The following DNAAF11 variants were observed in gnomAD, a reference collection of about 807,000 sequenced individuals.
DNAAF11 encodes the protein leucine rich repeat containing 6.
In DNAAF11, 45 loss-of-function variants were observed where a neutral mutation model predicts 60.8. That is an observed-to-expected ratio of 0.74 (90% CI 0.58 to 0.95). The LOEUF (loss-of-function observed/expected upper bound fraction) is 0.95, where lower values mean the gene tolerates loss of function less well. Among genes scored for constraint, DNAAF11 ranks in the 40% least tolerant of loss-of-function variants. The probability of loss-of-function intolerance (pLI) is 0.00; values close to 1 mark genes in which losing one functional copy is unlikely to be tolerated. For missense variants in DNAAF11, 546 were observed against 546.2 expected, an observed-to-expected ratio of 1.00 and a Z score of 0.00; for synonymous variants, 191 against 183.5, an observed-to-expected ratio of 1.04 and a Z score of -0.33.
the DNAAF11 span, among the ~76,000 whole-genome samples, chr8:132,695,925 T>C: frequency 2.0e-5 from 3 of 152,062 alleles, no homozygotes; most frequent in Admixed American, 6.6e-5. Context: ...GAATATATGA[T>C]TGAGGATAAG....
intron 1 of DNAAF11, 66 bp downstream of exon 1, chr8:132,675,418 C>T: frequency 5.3e-6 from 8 of 1,513,614 alleles, no homozygotes; most frequent in Non-Finnish European, 7.2e-6. Context: ...CGGCGAGGAT[C>T]CCACGAGACC....
At chr8:132,589,961 A>G (rs1193947126) in intron 10 of DNAAF11, among the ~76,000 whole-genome samples, 1 of 152,218 alleles carries the variant, frequency 6.6e-6, no homozygotes, top group African/African-American at 2.4e-5. Flanking sequence ...GAACATTAAT[A>G]AATGATTTTT....
At chr8:132,667,052 A>T (rs948888646) in intron 1 of DNAAF11, among the ~76,000 whole-genome samples, 1 of 152,170 alleles carries the variant, frequency 6.6e-6, no homozygotes, top group African/African-American at 2.4e-5. Flanking sequence ...CACTGAAGGA[A>T]TTGGGAGATA....
chr8:132,630,514 C>CA (rs1287071056), intron 5 of DNAAF11, among the ~76,000 whole-genome samples: 2 of 152,016 alleles, frequency 1.3e-5, no homozygotes, highest in Non-Finnish European at 2.9e-5. Flanking sequence ...ATAAACAAGA[C>CA]AAAAATGTAC....
intron 4 of DNAAF11, among the ~76,000 whole-genome samples, chr8:132,633,874 G>C (rs1330155659): frequency 6.6e-6 from 1 of 152,128 alleles, no homozygotes; most frequent in Non-Finnish European, 1.5e-5. Flanking sequence ...CAAAGTAAGG[G>C]ATTCTCTCCT....
intron 7 of DNAAF11, among the ~76,000 whole-genome samples, chr8:132,619,048 C>A (rs1295017489): frequency 6.6e-6 from 1 of 152,032 alleles, no homozygotes; most frequent in East Asian, 1.9e-4. Flanking sequence ...GGAACCAACC[C>A]AAATGTCCAA....
chr8:132,576,163 C>T (rs550760441), intron 11 of DNAAF11, among the ~76,000 whole-genome samples: 1 of 152,260 alleles, frequency 6.6e-6, no homozygotes, highest in Admixed American at 6.5e-5. Context: ...AGTTAGAAAA[C>T]AGAACACTGA....
Position 132,612,585 on chromosome 8 carries a change from C to T in DNAAF11, c.975-1222G>A, listed in dbSNP as rs535434038. On this transcript the variant is annotated intron_variant, in intron 8 of 11. Transcript: ENST00000620350. ...CACTGTCCCTCTCCTTGACAGCAGC[C>T]TTCTTCCTTTGTAACTCATCAGATG... Among the ~76,000 whole-genome samples, 5 of 152,266 alleles carry T rather than the reference C, an allele frequency of 3.3e-5. No homozygotes were observed. In the East Asian group the frequency reaches 7.7e-4, roughly 24 times the overall value.
intron 10 of DNAAF11, among the ~76,000 whole-genome samples, chr8:132,604,345 T>C (rs1228561172): frequency 6.6e-6 from 1 of 152,210 alleles, no homozygotes; most frequent in Non-Finnish European, 1.5e-5. Context: ...GACCTTAATA[T>C]GTGATCTTCA....
At chr8:132,691,866 A>AT in the DNAAF11 span, among the ~76,000 whole-genome samples, 1 of 152,134 alleles carries the variant, frequency 6.6e-6, no homozygotes, top group East Asian at 1.9e-4. Context: ...TGGCTGGAGG[A>AT]TTATGAACAA....
At chr8:132,687,232 C>T in the DNAAF11 span, among the ~76,000 whole-genome samples, 1 of 152,118 alleles carries the variant, frequency 6.6e-6, no homozygotes, top group Non-Finnish European at 1.5e-5. Flanking sequence ...TATATATTTA[C>T]AGTTATTTCC....
intron 10 of DNAAF11, among the ~76,000 whole-genome samples, chr8:132,590,595 T>C (rs894717942): frequency 6.6e-6 from 1 of 152,238 alleles, no homozygotes; most frequent in African/African-American, 2.4e-5. Context: ...TTCTTATTTA[T>C]GTTGTGTTTC....
rs193230336 is a variant in DNAAF11, at chr8:132,589,794, A to C, written c.1141-6015T>G. 1.4e-3 allele frequency among the ~76,000 whole-genome samples: 212 copies of C among 152,332 alleles called. 4 individuals carry two copies. The highest frequency in any genetic ancestry group is 0.014 in the Admixed American group (209 of 15,296). On this transcript the variant is annotated intron_variant, in intron 10 of 11. Transcript: ENST00000620350. Reference sequence around the variant, plus strand: ...AGAAGACCACTGTCTCATAGGAGGTAGGTCTTGGACTCTGCATTTAAGATC... The same window carrying C: ...AGAAGACCACTGTCTCATAGGAGGTCGGTCTTGGACTCTGCATTTAAGATC...
At chr8:132,656,165 G>A (rs1030920010) in intron 3 of DNAAF11, among the ~76,000 whole-genome samples, 6 of 152,062 alleles carry the variant, frequency 3.9e-5, no homozygotes, top group African/African-American at 7.2e-5. Context: ...GTAGCCCCAC[G>A]CCCCCTTTCC....
chr8:132,603,975 G>A (rs1484640802), intron 10 of DNAAF11, among the ~76,000 whole-genome samples: 2 of 152,104 alleles, frequency 1.3e-5, no homozygotes, highest in African/African-American at 4.8e-5. Context: ...AGGAAGGCCA[G>A]GTTGCACAAG....
intron 3 of DNAAF11, among the ~76,000 whole-genome samples, chr8:132,642,125 T>G (rs976702892): frequency 2.6e-5 from 4 of 152,222 alleles, no homozygotes; most frequent in African/African-American, 9.6e-5. Context: ...ATGAAACTCA[T>G]AGAAAACTAA....
At chr8:132,576,684 T>G (rs1814782840) in intron 11 of DNAAF11, among the ~76,000 whole-genome samples, 1 of 152,200 alleles carries the variant, frequency 6.6e-6, no homozygotes, top group Non-Finnish European at 1.5e-5. Flanking sequence ...CTTCAGATTT[T>G]CCAGTTAGGA....
At chr8:132,658,543 G>T (rs4437630) in intron 2 of DNAAF11, among the ~76,000 whole-genome samples, 2 of 151,738 alleles carry the variant, frequency 1.3e-5, no homozygotes, top group Non-Finnish European at 2.9e-5. Context: ...GGATGGTCTC[G>T]ATCTCCTGAC....
chr8:132,684,674 A>G, the DNAAF11 span, among the ~76,000 whole-genome samples: 3 of 152,206 alleles, frequency 2.0e-5, no homozygotes, highest in Admixed American at 6.5e-5. Context: ...TGCCTCCTAG[A>G]AACTGATGAC....
Sources: gnomAD v4.1 joint callset for allele counts (sites outside exome capture counted in the v4.1 genomes callset) on GRCh38, gnomAD v4.1.1 for gene constraint, MANE v1.5 for transcripts, NCBI Gene and HGNC (gene_info 2026-07-23, HGNC 2026-07-21) for gene names.